RPS6KA5: variants seen among roughly 807,000 people sequenced by gnomAD.
RPS6KA5 encodes the protein ribosomal protein S6 kinase alpha-5.
In RPS6KA5, 27 loss-of-function variants were observed where a neutral mutation model predicts 85.5. That is an observed-to-expected ratio of 0.32 (90% CI 0.23 to 0.44). The LOEUF is 0.44. Ranked by LOEUF, RPS6KA5 falls within the 20% of genes least tolerant of loss-of-function variation. The pLI is 1.00. For missense variants in RPS6KA5, 811 were observed against 980.9 expected, an observed-to-expected ratio of 0.83 and a Z score of 2.31; for synonymous variants, 334 against 348.2, an observed-to-expected ratio of 0.96 and a Z score of 0.46.
chr14:90,941,897 A>G (rs754916398), intron 5 of RPS6KA5, among the ~76,000 whole-genome samples: 1 of 152,222 alleles, frequency 6.6e-6, no homozygotes, highest in Non-Finnish European at 1.5e-5. Context: ...ATCTGCTACA[A>G]TTTGCTGAAG....
chr14:90,941,282 C>T (rs924680536), intron 5 of RPS6KA5, among the ~76,000 whole-genome samples: 4 of 152,134 alleles, frequency 2.6e-5, no homozygotes, highest in African/African-American at 9.7e-5. Context: ...GATTGCCAAG[C>T]CCCAGGCTTC....
At position 90,947,438 on chromosome 14, in the gene RPS6KA5, G is replaced by A; in HGVS notation, c.507C>T (p.His169=). 1 of 1,567,484 alleles carries A rather than the reference G, an allele frequency of 6.4e-7. No individual in the cohort carries two copies. ...CCTGAAAAATGAAGAGTCTTACCTTGTGGAGATGTTCGAGGGCAAGCACAA... is the reference window on the plus strand; with the variant it reads ...CCTGAAAAATGAAGAGTCTTACCTTATGGAGATGTTCGAGGGCAAGCACAA... ...GEIVLALEHL[H]KLGIIYRDIK... is the part of the protein sequence containing the mutation. Residue 169 remains histidine (H), a synonymous_variant, in exon 4 of 17, where the codon CAC becomes CAT. Coordinates refer to ENST00000614987, the MANE Select transcript of RPS6KA5 (RefSeq NM_004755.4).
rs527513756 is a variant in RPS6KA5 at position 90,908,333 on chromosome 14, C to T, written c.807-2034G>A. Among the ~76,000 whole-genome samples, 8 of 152,170 alleles carry T rather than the reference C, an allele frequency of 5.3e-5. No individual in the cohort carries two copies. In the South Asian group the frequency reaches 1.7e-3, roughly 32 times the overall value. ...GAGTACAAATCTGAAAGCATGTCGG[C>T]GGAAAACAGTGCTGATGAGGGAGCT... On this transcript the variant is annotated intron_variant, in intron 7 of 16. Transcript: ENST00000614987.
chr14:90,851,090 T>G lies in RPS6KA5; in HGVS notation c.*20984A>C, dbSNP rs920446834. The G allele has an allele frequency of 1.4e-4, 21 of 152,204 alleles. No homozygotes were observed. Among genetic ancestry groups the G allele is most frequent in the African/African-American group, 4.1e-4 (17 of 41,516 alleles). 9.4% of individuals were successfully genotyped at this position (152,204 alleles called of 1,614,324 possible). On this transcript the variant is annotated 3_prime_UTR_variant, in exon 17 of 17. Transcript: ENST00000614987. ...TCTCACTCTGCCCCCCAGGCTGGAG[T>G]GCAGTGGCGTGATCTCGGCTCACTG...
chr14:91,051,097 T>C (rs1052686082), intron 1 of RPS6KA5, among the ~76,000 whole-genome samples: 2 of 151,520 alleles, frequency 1.3e-5, no homozygotes, highest in Admixed American at 6.6e-5. Context: ...AGCGTGGCGG[T>C]GTGTGGTGGC....
intron 8 of RPS6KA5, among the ~76,000 whole-genome samples, chr14:90,903,573 A>G (rs936991094): frequency 6.6e-6 from 1 of 152,214 alleles, no homozygotes; most frequent in Admixed American, 6.5e-5. Flanking sequence ...AGCATTTTAA[A>G]CACTGCCTCT....
intron 1 of RPS6KA5, among the ~76,000 whole-genome samples, chr14:91,053,111 T>G (rs897322636): frequency 4.2e-4 from 64 of 151,972 alleles, no homozygotes; most frequent in Admixed American, 1.8e-3. Context: ...ACAAAAAAAA[T>G]GGTCATCTTA....
At chr14:90,958,433 T>C (rs977683282) in intron 3 of RPS6KA5, among the ~76,000 whole-genome samples, 6 of 152,204 alleles carry the variant, frequency 3.9e-5, no homozygotes, top group Admixed American at 3.3e-4. Flanking sequence ...CTGGACTACA[T>C]TTTGATCTCT....
At chr14:91,052,897 G>A (rs1030191527) in intron 1 of RPS6KA5, among the ~76,000 whole-genome samples, 3 of 150,166 alleles carry the variant, frequency 2.0e-5, no homozygotes, top group Non-Finnish European at 4.4e-5. Context: ...ATATTTTGGG[G>A]AGACTAGACA....
chr14:90,902,565 A>T (rs1421602970), intron 9 of RPS6KA5, among the ~76,000 whole-genome samples: 1 of 152,264 alleles, frequency 6.6e-6, no homozygotes, highest in Non-Finnish European at 1.5e-5. Context: ...GAACAAAAAT[A>T]AAATTTCAGG....
In RPS6KA5 at chr14:90,862,265, G is replaced by GGT. The variant is rs1183290957; in HGVS notation, c.*9807_*9808dup. 1 of 152,080 alleles carries GGT rather than the reference G, an allele frequency of 6.6e-6. No homozygotes were observed. Among genetic ancestry groups the GGT allele is most frequent in the African/African-American group, 2.4e-5 (1 of 41,398 alleles). 9.4% of individuals were successfully genotyped at this position (152,080 alleles called of 1,614,324 possible). A position where few individuals can be genotyped will look rare whatever the true frequency, so the allele number is the denominator to read the frequency against. Reference sequence around the variant, plus strand: ...AACTTCTCATTCAAGTGGCTTCAATGGTGAATTATTTTAAACAGGAGGAAT... The same window carrying GGT: ...AACTTCTCATTCAAGTGGCTTCAATGGTGTGAATTATTTTAAACAGGAGGAAT... On this transcript the variant is annotated 3_prime_UTR_variant, in exon 17 of 17. Coordinates refer to ENST00000614987, the MANE Select transcript of RPS6KA5 (RefSeq NM_004755.4).
intron 5 of RPS6KA5, among the ~76,000 whole-genome samples, chr14:90,928,259 T>A (rs979328012): frequency 2.6e-5 from 4 of 152,024 alleles, no homozygotes; most frequent in Non-Finnish European, 4.4e-5. Context: ...AAATACTATA[T>A]ATAAGAACTT....
intron 1 of RPS6KA5, among the ~76,000 whole-genome samples, chr14:91,029,864 C>A (rs904326237): frequency 6.6e-6 from 1 of 152,022 alleles, no homozygotes; most frequent in South Asian, 2.1e-4. Flanking sequence ...TTATTGACTT[C>A]CAATTTTAAC....
chr14:90,903,168 A>G (rs897382204), intron 8 of RPS6KA5, among the ~76,000 whole-genome samples, 199 bp from the exon 9 acceptor site: 1 of 152,210 alleles, frequency 6.6e-6, no homozygotes, highest in Non-Finnish European at 1.5e-5. Flanking sequence ...GCTGTGCCTC[A>G]AAGATGAGAC....
intron 1 of RPS6KA5, among the ~76,000 whole-genome samples, chr14:91,047,653 T>C (rs1035358641): frequency 1.3e-5 from 2 of 152,232 alleles, no homozygotes; most frequent in Non-Finnish European, 2.9e-5. Flanking sequence ...GTAACTGCGG[T>C]AGAAAATTAA....
chr14:91,014,702 C>T (rs2041408804), intron 1 of RPS6KA5, among the ~76,000 whole-genome samples: 1 of 151,958 alleles, frequency 6.6e-6, no homozygotes, highest in Non-Finnish European at 1.5e-5. Flanking sequence ...TCTAAACGCA[C>T]ATATTTTTGA....
Position 91,042,447 on chromosome 14 carries a change from G to T in RPS6KA5, c.103+17885C>A, listed in dbSNP as rs191862911. ...AATTTCTTAAACCTGGGAGGCAGAG[G>T]TTGCAGTGAGCTGAGATCGCACCAC... is the stretch of plus-strand genomic sequence containing the variant. On this transcript the variant is annotated intron_variant, in intron 1 of 16. Transcript: ENST00000614987. Among the ~76,000 whole-genome samples the T allele has an allele frequency of 1.3e-3, 198 of 152,182 alleles. 1 individual carries two copies. Among genetic ancestry groups the T allele is most frequent in the African/African-American group, 4.6e-3 (189 of 41,528 alleles).
intron 1 of RPS6KA5, among the ~76,000 whole-genome samples, chr14:91,053,622 T>C (rs1370033993): frequency 1.3e-5 from 2 of 152,140 alleles, no homozygotes; most frequent in African/African-American, 4.8e-5. Flanking sequence ...AATAATAAAA[T>C]ACTTAGAAAT....
intron 3 of RPS6KA5, among the ~76,000 whole-genome samples, chr14:90,951,694 T>A (rs150315164): frequency 1.3e-5 from 2 of 152,198 alleles, no homozygotes; most frequent in Non-Finnish European, 2.9e-5. Context: ...CTTATTTTAT[T>A]TCTTACTGGG....
Sources: allele counts gnomAD v4.1 joint callset (sites outside exome capture counted in the v4.1 genomes callset), GRCh38; gene constraint gnomAD v4.1.1; transcripts MANE v1.5; gene names NCBI Gene and HGNC (gene_info 2026-07-23, HGNC 2026-07-21).